The following LRRTM4 variants were observed in gnomAD, a reference collection of about 807,000 sequenced individuals.
LRRTM4 encodes leucine-rich repeat transmembrane neuronal protein 4.
Under a neutral mutation model 47.6 loss-of-function variants are expected in LRRTM4, and 25 were observed. The ratio of observed to expected loss-of-function variants is 0.53; its 90% CI spans 0.38 to 0.73. The LOEUF (loss-of-function observed/expected upper bound fraction) is 0.73, where lower values mean the gene tolerates loss of function less well. Among genes scored for constraint, LRRTM4 ranks in the 30% least tolerant of loss-of-function variants. The pLI, the probability that LRRTM4 is intolerant of heterozygous loss-of-function variation, is 0.00. For missense variants in LRRTM4, 638 were observed against 713.4 expected, an observed-to-expected ratio of 0.89 and a Z score of 1.20; for synonymous variants, 311 against 269.5, an observed-to-expected ratio of 1.15 and a Z score of -1.51.
chr2:77,066,665 T>C (rs985268279), intron 3 of LRRTM4, among the ~76,000 whole-genome samples: 3 of 152,220 alleles, frequency 2.0e-5, no homozygotes, highest in African/African-American at 7.2e-5. Context: ...GAGAGAGGTA[T>C]ACAAATCGTA....
intron 3 of LRRTM4, among the ~76,000 whole-genome samples, chr2:77,386,828 C>T (rs76529583): frequency 6.6e-6 from 1 of 152,170 alleles, no homozygotes; most frequent in East Asian, 1.9e-4. Context: ...AGGACAAATA[C>T]CTAATGCATG....
chr2:77,006,301 C>T (rs945045129), intron 3 of LRRTM4, among the ~76,000 whole-genome samples: 19 of 152,178 alleles, frequency 1.2e-4, no homozygotes, highest in African/African-American at 4.1e-4. Flanking sequence ...AATTTCGAAC[C>T]TAAGCCTTTA....
At chr2:77,087,310 T>G (rs1051364473) in intron 3 of LRRTM4, among the ~76,000 whole-genome samples, 1 of 152,226 alleles carries the variant, frequency 6.6e-6, no homozygotes, top group Admixed American at 6.5e-5. Flanking sequence ...CAAGAGATTT[T>G]ACCTATCTAG....
At chr2:77,342,205 T>A (rs1227286104) in intron 3 of LRRTM4, among the ~76,000 whole-genome samples, 1 of 151,956 alleles carries the variant, frequency 6.6e-6, no homozygotes, top group Non-Finnish European at 1.5e-5. Flanking sequence ...ATGATTGATG[T>A]ACGTAGAACA....
intron 3 of LRRTM4, among the ~76,000 whole-genome samples, chr2:77,342,851 C>G (rs1482324959): frequency 1.1e-5 from 1 of 92,150 alleles, no homozygotes; most frequent in South Asian, 3.3e-4. Flanking sequence ...CAGGCAGGTT[C>G]AAACTGAGGA....
At chr2:77,180,061 T>C (rs975402487) in intron 3 of LRRTM4, among the ~76,000 whole-genome samples, 2 of 152,172 alleles carry the variant, frequency 1.3e-5, no homozygotes, top group African/African-American at 4.8e-5. Flanking sequence ...CTTATAAGAT[T>C]TGATCTTGTG....
chr2:76,910,882 C>T lies in LRRTM4; in HGVS notation c.1552-161966G>A, dbSNP rs934431113. Among the ~76,000 whole-genome samples the T allele has an allele frequency of 1.7e-4, 26 of 152,114 alleles. 1 individual carries two copies. Among genetic ancestry groups the T allele is most frequent in the Admixed American group, 1.6e-3 (25 of 15,264 alleles). ...TTTCTGACCATTCTTGTGCATTCTG[C>T]GTCTGTACTAAATAGCAGTAGAAAA... is the stretch of plus-strand genomic sequence containing the variant. On this transcript the variant is annotated intron_variant, in intron 3 of 3. Coordinates refer to ENST00000409884, the MANE Select transcript of LRRTM4 (RefSeq NM_001134745.3).
At chr2:77,458,842 A>G (rs1209788339) in intron 3 of LRRTM4, among the ~76,000 whole-genome samples, 1 of 151,620 alleles carries the variant, frequency 6.6e-6, no homozygotes, top group Admixed American at 6.6e-5. Flanking sequence ...TGGAAATTCA[A>G]AAATGAGGCA....
chr2:76,797,220 G>C (rs536781421), intron 3 of LRRTM4, among the ~76,000 whole-genome samples: 10 of 152,138 alleles, frequency 6.6e-5, no homozygotes, highest in African/African-American at 2.4e-4. Flanking sequence ...AGAGAGAAAG[G>C]TCGGGTTACC....
chr2:76,937,074 A>AAG (rs1674979424), intron 3 of LRRTM4, among the ~76,000 whole-genome samples: 4 of 151,526 alleles, frequency 2.6e-5, no homozygotes, highest in Admixed American at 2.6e-4. Context: ...GCCTTTAATA[A>AAG]GCATCATCTG....
intron 3 of LRRTM4, among the ~76,000 whole-genome samples, chr2:77,444,207 C>T (rs958277175): frequency 2.4e-4 from 36 of 151,974 alleles, no homozygotes; most frequent in African/African-American, 7.0e-4. Flanking sequence ...GAATGATATA[C>T]CTAGGTGGTC....
chr2:77,358,961 A>T (rs1573306540), intron 3 of LRRTM4, among the ~76,000 whole-genome samples: 3 of 152,128 alleles, frequency 2.0e-5, no homozygotes, highest in Non-Finnish European at 2.9e-5. Context: ...CAACTAATAC[A>T]ACTTTTTCTT....
chr2:77,138,800 G>A lies in LRRTM4; in HGVS notation c.1551+379518C>T, dbSNP rs182369474. ...AAATGATAAAGGGGATATCACCACC[G>A]ATCCCACAGAAATATAAATTACCAT... is the stretch of plus-strand genomic sequence containing the variant. On this transcript the variant is annotated intron_variant, in intron 3 of 3. Coordinates refer to ENST00000409884, the MANE Select transcript of LRRTM4 (RefSeq NM_001134745.3). Among the ~76,000 whole-genome samples the A allele has an allele frequency of 2.2e-3, 329 of 152,132 alleles. 2 individuals are homozygous for A. The highest frequency in any genetic ancestry group is 7.5e-3 in the African/African-American group (310 of 41,486).
At chr2:77,158,506 T>G (rs1191362321) in intron 3 of LRRTM4, among the ~76,000 whole-genome samples, 1 of 152,192 alleles carries the variant, frequency 6.6e-6, no homozygotes, top group Non-Finnish European at 1.5e-5. Flanking sequence ...TGTTTTGTTA[T>G]GTATTTCATG....
At chr2:76,833,866 G>A (rs1354096593) in intron 3 of LRRTM4, among the ~76,000 whole-genome samples, 3 of 151,452 alleles carry the variant, frequency 2.0e-5, no homozygotes, top group Non-Finnish European at 2.9e-5. Flanking sequence ...CACAAATAAT[G>A]AAGACAATTT....
intron 3 of LRRTM4, among the ~76,000 whole-genome samples, chr2:77,256,651 T>A (rs1406240841): frequency 6.6e-6 from 1 of 152,184 alleles, no homozygotes; most frequent in Non-Finnish European, 1.5e-5. Flanking sequence ...CCTTCCGCCA[T>A]GATTGTGAGG....
chr2:77,193,612 C>A (rs1573061375), intron 3 of LRRTM4, among the ~76,000 whole-genome samples: 1 of 151,842 alleles, frequency 6.6e-6, no homozygotes, highest in East Asian at 1.9e-4. Context: ...GAGTTCGAGA[C>A]CAGCCTGGCC....
rs75633580 is a variant in LRRTM4, at chr2:77,400,584, C to A, written c.1551+117734G>T. Among the ~76,000 whole-genome samples, 929 of 151,970 alleles carry A rather than the reference C, an allele frequency of 6.1e-3. 11 individuals are homozygous for A. Among genetic ancestry groups the A allele is most frequent in the African/African-American group, 0.021 (889 of 41,494 alleles). ...TTAGTCTCATGATGATATAGAGCAG[C>A]CAGAGAGGGACTTCAAAAATATAAC... On this transcript the variant is annotated intron_variant, in intron 3 of 3. Transcript: ENST00000409884.
chr2:76,953,907 A>G (rs188447336), intron 3 of LRRTM4, among the ~76,000 whole-genome samples: 3 of 152,020 alleles, frequency 2.0e-5, no homozygotes, highest in East Asian at 3.9e-4. Context: ...TGACAGTATC[A>G]GAGAACCTGC....
Sources: gnomAD v4.1 joint callset for allele counts (sites outside exome capture counted in the v4.1 genomes callset) on GRCh38, gnomAD v4.1.1 for gene constraint, MANE v1.5 for transcripts, NCBI Gene and HGNC (gene_info 2026-07-23, HGNC 2026-07-21) for gene names.